Variants in CDH18 observed in about 807,000 individuals in gnomAD.
The protein encoded by CDH18 is cadherin-18.
CDH18 carries 31 observed loss-of-function variants against 67.9 expected under a neutral mutation model. The ratio of observed to expected loss-of-function variants is 0.46; its 90% CI spans 0.34 to 0.62. The LOEUF is 0.62. Among genes scored for constraint, CDH18 ranks in the 20% least tolerant of loss-of-function variants. The pLI, the probability that CDH18 is intolerant of heterozygous loss-of-function variation, is 0.01. For synonymous variants in CDH18, 362 were observed against 347.2 expected (o/e 1.04, Z -0.48); for missense variants, 890 against 975.5 (o/e 0.91, Z 1.17).
chr5:20,021,777 G>GTAGT, intron 2 of CDH18, among the ~76,000 whole-genome samples: 1 of 152,230 alleles, frequency 6.6e-6, no homozygotes, highest in African/African-American at 2.4e-5. Flanking sequence ...CAACTCTCAG[G>GTAGT]TAGTTCTTTA....
intron 1 of CDH18, among the ~76,000 whole-genome samples, chr5:20,256,433 A>T (rs994800065): frequency 3.3e-5 from 5 of 152,078 alleles, no homozygotes; most frequent in African/African-American, 7.2e-5. Flanking sequence ...TACAGAGGTC[A>T]AACAGATGCC....
intron 6 of CDH18, among the ~76,000 whole-genome samples, chr5:19,597,948 A>G (rs967630543): frequency 1.3e-5 from 2 of 152,142 alleles, no homozygotes; most frequent in Non-Finnish European, 2.9e-5. Context: ...ATATAGTTCT[A>G]GTTTGTTAAT....
intron 9 of CDH18, among the ~76,000 whole-genome samples, chr5:19,528,140 A>G (rs1004591172): frequency 4.6e-5 from 7 of 151,818 alleles, no homozygotes; most frequent in African/African-American, 1.7e-4. Context: ...ATATAAGAAA[A>G]TCTACCAAAT....
chr5:19,708,467 T>C lies in CDH18; in HGVS notation c.643+12880A>G, dbSNP rs548715311. Among the ~76,000 whole-genome samples the C allele has an allele frequency of 4.9e-4, 75 of 152,214 alleles. 1 individual carries two copies. In the South Asian group the frequency reaches 0.015, roughly 31 times the overall value. ...TTGCAAAAAAAAAGGGGGGGACATG[T>C]TGGGAACAGGCCCCCAAATCTGGCC... On this transcript the variant is annotated intron_variant, in intron 5 of 12. Transcript: ENST00000382275.
chr5:20,514,197 A>C (rs749885673), intron 1 of CDH18, among the ~76,000 whole-genome samples: 1 of 151,936 alleles, frequency 6.6e-6, no homozygotes, highest in African/African-American at 2.4e-5. Context: ...TTATTTTCCT[A>C]TATCTCATCT....
chr5:19,666,362 C>A (rs1254455097), intron 5 of CDH18, among the ~76,000 whole-genome samples: 1 of 151,082 alleles, frequency 6.6e-6, no homozygotes, highest in Non-Finnish European at 1.5e-5. Context: ...CCTGCTTTGG[C>A]CTTCCATAGT....
At chr5:20,138,229 A>G (rs1439141221) in intron 2 of CDH18, among the ~76,000 whole-genome samples, 2 of 152,188 alleles carry the variant, frequency 1.3e-5, no homozygotes, top group African/African-American at 4.8e-5. Flanking sequence ...GATTGTCTCA[A>G]TAGATGAAGA....
At chr5:19,840,114 A>AT (rs1242258830) in intron 2 of CDH18, among the ~76,000 whole-genome samples, 2 of 150,786 alleles carry the variant, frequency 1.3e-5, no homozygotes, top group African/African-American at 4.9e-5. Flanking sequence ...AAATAAAAAA[A>AT]AAAATGAGCC....
At chr5:20,200,692 A>T (rs76146393) in intron 2 of CDH18, among the ~76,000 whole-genome samples, 1,607 of 151,980 alleles carry the variant, frequency 0.011, 28 homozygotes, top group African/African-American at 0.037. Flanking sequence ...AAAGAAGAAA[A>T]ATTTTAAAAA....
At chr5:19,864,383 T>TG (rs1459860656) in intron 2 of CDH18, among the ~76,000 whole-genome samples, 22 of 33,266 alleles carry the variant, frequency 6.6e-4, no homozygotes, top group South Asian at 1.0e-3. Flanking sequence ...TGTTGTGTGG[T>TG]GGGGGGAGGG....
intron 2 of CDH18, among the ~76,000 whole-genome samples, chr5:19,972,249 A>G (rs1798100080): frequency 1.3e-5 from 2 of 152,010 alleles, no homozygotes; most frequent in African/African-American, 4.8e-5. Context: ...TTTCCTTAGC[A>G]TCTTGAAATA....
intron 1 of CDH18, among the ~76,000 whole-genome samples, chr5:20,370,093 C>A (rs921955133): frequency 3.3e-5 from 5 of 152,184 alleles, no homozygotes; most frequent in African/African-American, 1.2e-4. Context: ...GTAATTACTA[C>A]CATCTCTTTT....
At chr5:19,852,265 T>C (rs1783791524) in intron 2 of CDH18, among the ~76,000 whole-genome samples, 1 of 152,052 alleles carries the variant, frequency 6.6e-6, no homozygotes, top group Non-Finnish European at 1.5e-5. Flanking sequence ...TGCCAGACTC[T>C]TGAGTTCTCA....
At chr5:19,937,970 T>C (rs1323066757) in intron 2 of CDH18, among the ~76,000 whole-genome samples, 1 of 148,424 alleles carries the variant, frequency 6.7e-6, no homozygotes, top group Admixed American at 6.8e-5. Flanking sequence ...GCTATATATA[T>C]ATATAGTGTA....
At chr5:20,545,506 C>G (rs1430228039) in intron 1 of CDH18, among the ~76,000 whole-genome samples, 1 of 152,202 alleles carries the variant, frequency 6.6e-6, no homozygotes, top group Non-Finnish European at 1.5e-5. Flanking sequence ...CAACTCATGT[C>G]TCTGCACACC....
At chr5:19,912,404 GA>G (rs1791252751) in intron 2 of CDH18, among the ~76,000 whole-genome samples, 1 of 152,056 alleles carries the variant, frequency 6.6e-6, no homozygotes, top group African/African-American at 2.4e-5. Flanking sequence ...ATGTTTCTCT[GA>G]AACAGAATCA....
chr5:19,970,440 C>G (rs1797915204), intron 2 of CDH18, among the ~76,000 whole-genome samples: 3 of 150,948 alleles, frequency 2.0e-5, no homozygotes, highest in Admixed American at 6.6e-5. Context: ...GCATTTTACA[C>G]TTTTGCAGGA....
At chr5:20,496,580 C>T (rs560439016) in intron 1 of CDH18, among the ~76,000 whole-genome samples, 12 of 152,076 alleles carry the variant, frequency 7.9e-5, no homozygotes, top group Non-Finnish European at 1.5e-4. Context: ...CTCGCTCTGT[C>T]GCCAATATAC....
upstream of CDH18, among the ~76,000 whole-genome samples, chr5:19,989,431 G>C (rs1799853280): frequency 6.6e-6 from 1 of 152,130 alleles, no homozygotes; most frequent in Admixed American, 6.5e-5. Context: ...ATCACGGCTG[G>C]GACATACCTT....
Sources: gnomAD v4.1 joint callset for allele counts (sites outside exome capture counted in the v4.1 genomes callset) on GRCh38, gnomAD v4.1.1 for gene constraint, MANE v1.5 for transcripts, NCBI Gene and HGNC (gene_info 2026-07-23, HGNC 2026-07-21) for gene names.